Variants in API5 observed in about 807,000 individuals in gnomAD.
The protein encoded by API5 is apoptosis inhibitor 5, also known as FIF.
Under a neutral mutation model 71.9 loss-of-function variants are expected in API5, and 6 were observed. The ratio of observed to expected loss-of-function variants is 0.08; its 90% CI spans 0.05 to 0.16. API5 has a LOEUF of 0.16. API5 is among the 10% of genes least tolerant of loss of function. API5 has a pLI of 1.00. For synonymous variants in API5, 189 were observed against 221.3 expected, an observed-to-expected ratio of 0.85 and a Z score of 1.30; for missense variants, 332 against 612.8, an observed-to-expected ratio of 0.54 and a Z score of 4.84.
chr11:43,334,193 T>C (rs928654958), intron 11 of API5, among the ~76,000 whole-genome samples: 23 of 152,182 alleles, frequency 1.5e-4, no homozygotes, highest in African/African-American at 5.1e-4. Flanking sequence ...TTTTAATCCA[T>C]CCTTGACATT....
chr11:43,327,961 C>A, intron 8 of API5, 83 bp downstream of exon 8: 1 of 822,792 alleles, frequency 1.2e-6, no homozygotes, highest in South Asian at 2.6e-5. Context: ...ATTACAAGAA[C>A]CAGTTTTTGA....
intron 8 of API5, 92 bp from the exon 9 acceptor site, chr11:43,328,620 C>A: frequency 8.6e-7 from 1 of 1,157,522 alleles, no homozygotes; most frequent in Non-Finnish European, 1.2e-6. Flanking sequence ...ATGCTCCATG[C>A]CTTAAAAACA....
At chr11:43,326,635 C>T (rs761634051) in intron 7 of API5, 24 bp downstream of exon 7, 2 of 1,276,426 alleles carry the variant, frequency 1.6e-6, no homozygotes, top group Non-Finnish European at 1.1e-6. Flanking sequence ...TCAGCTTTAG[C>T]ACTGATAAGG....
rs773332752 is a variant in API5, at chr11:43,343,647, TAATC to T, written c.*1140_*1143del. 4.6e-5 allele frequency: 7 copies of T among 152,796 alleles called. No individual in the cohort carries two copies. Among genetic ancestry groups the T allele is most frequent in the Non-Finnish European group, 7.3e-5 (5 of 68,042 alleles). 9.5% of individuals were successfully genotyped at this position (152,796 alleles called of 1,614,324 possible). On this transcript the variant is annotated 3_prime_UTR_variant, in exon 14 of 14. Transcript: ENST00000531273. ...TCAAGATTTTAACTTCTCAGGTTAT[TAATC>T]AAAATTATTGTATAAGTTAGCCAAT...
At position 43,313,655 on chromosome 11, in the gene API5, T is replaced by G. The variant is rs576157580; in HGVS notation, c.69+1459T>G. 9.2e-5 allele frequency among the ~76,000 whole-genome samples: 14 copies of G among 152,296 alleles called. No individual in the cohort carries two copies. In the South Asian group the frequency reaches 2.9e-3, roughly 32 times the overall value. On this transcript the variant is annotated intron_variant, in intron 1 of 13. Transcript: ENST00000531273. The stretch of plus-strand genomic sequence containing the variant: ...GAATTAAGAATATACCAGTTTGAAA[T>G]AGCAAATGATTTTTTTTCCTTCATT...
chr11:43,320,763 T>C, intron 2 of API5, 58 bp from the exon 3 acceptor site: 1 of 1,262,070 alleles, frequency 7.9e-7, no homozygotes, highest in Non-Finnish European at 1.1e-6. Flanking sequence ...AAGAAAAAGC[T>C]GTTTGTTATT....
chr11:43,312,846 C>T (rs1179381250), intron 1 of API5, among the ~76,000 whole-genome samples: 4 of 152,084 alleles, frequency 2.6e-5, no homozygotes, highest in Non-Finnish European at 4.4e-5. Flanking sequence ...TGGTGGCTCA[C>T]GCCTGTAATC....
intron 2 of API5, among the ~76,000 whole-genome samples, chr11:43,320,189 G>A (rs1249878772): frequency 6.6e-6 from 1 of 151,800 alleles, no homozygotes; most frequent in Non-Finnish European, 1.5e-5. Flanking sequence ...GGGACTATAG[G>A]CGTGTGCCAC....
chr11:43,334,469 C>T (rs1429491613), intron 11 of API5, among the ~76,000 whole-genome samples: 2 of 152,020 alleles, frequency 1.3e-5, no homozygotes, highest in African/African-American at 4.8e-5. Context: ...GTACGCTGGA[C>T]TTAAGTTTAT....
In API5 at chr11:43,324,764, A is replaced by G. The variant is rs146866948; in HGVS notation, c.750+1128A>G. ...ATGATCTTGGCTGACTGCAACCTCCACCTCCCAGATTCAAGCAATTCTCGT... is the reference window on the plus strand; with the variant it reads ...ATGATCTTGGCTGACTGCAACCTCCGCCTCCCAGATTCAAGCAATTCTCGT... On this transcript the variant is annotated intron_variant, in intron 6 of 13. Coordinates refer to ENST00000531273, the MANE Select transcript of API5 (RefSeq NM_001142930.2). 4.5e-3 allele frequency among the ~76,000 whole-genome samples: 680 copies of G among 151,870 alleles called. 4 individuals carry two copies. The highest frequency in any genetic ancestry group is 0.015 in the African/African-American group (639 of 41,412).
intron 13 of API5, chr11:43,336,266 A>G (rs1224063852): frequency 1.4e-5 from 6 of 433,682 alleles, no homozygotes; most frequent in East Asian, 3.4e-5. Flanking sequence ...CAGAAACAAA[A>G]TAAGTTGACA....
intron 9 of API5, among the ~76,000 whole-genome samples, chr11:43,329,701 T>C (rs533529757): frequency 6.6e-6 from 1 of 152,360 alleles, no homozygotes; most frequent in South Asian, 2.1e-4. Flanking sequence ...CTTATTGAAT[T>C]GTTCCATTAA....
In API5 at chr11:43,326,495, G is replaced by C. The variant is rs753532024; in HGVS notation, c.751-12G>C. ...GTTTTTCGACAATGCATTTTCTTTGGATTTCTTACAGAAAAATGTCCATTC... is the reference window on the plus strand; with the variant it reads ...GTTTTTCGACAATGCATTTTCTTTGCATTTCTTACAGAAAAATGTCCATTC... On this transcript the variant is annotated splice_polypyrimidine_tract_variant and intron_variant, in intron 6 of 13. Transcript: ENST00000531273. The C allele has an allele frequency of 1.9e-6, 3 of 1,552,956 alleles. No individual in the cohort carries two copies. Among genetic ancestry groups the C allele is most frequent in the East Asian group, 4.5e-5 (2 of 44,534 alleles).
intron 12 of API5, 64 bp from the exon 13 acceptor site, chr11:43,335,794 A>C (rs1000082828): frequency 2.7e-6 from 4 of 1,502,634 alleles, no homozygotes; most frequent in Non-Finnish European, 3.6e-6. Context: ...CTAAATTATA[A>C]ATGTATTGAT....
chr11:43,326,345 T>C lies in API5; in HGVS notation c.751-162T>C, dbSNP rs146985487. On this transcript the variant is annotated intron_variant, in intron 6 of 13. Coordinates refer to ENST00000531273, the MANE Select transcript of API5 (RefSeq NM_001142930.2). Reference sequence around the variant, plus strand: ...TATTGAAGCCCCTTCGTAGATCACCTATTGAGGTTATATCTGGGGCATGCT... The same window carrying C: ...TATTGAAGCCCCTTCGTAGATCACCCATTGAGGTTATATCTGGGGCATGCT... 3.2e-4 allele frequency among the ~76,000 whole-genome samples: 48 copies of C among 152,292 alleles called. No homozygotes were observed. The East Asian group carries it at 9.1e-3, about 29-fold the overall frequency.
intron 1 of API5, among the ~76,000 whole-genome samples, chr11:43,317,768 C>T (rs1329701229): frequency 6.6e-6 from 1 of 152,158 alleles, no homozygotes; most frequent in Non-Finnish European, 1.5e-5. Context: ...ACCTCTGCCT[C>T]CTGGGTTCAA....
intron 1 of API5, among the ~76,000 whole-genome samples, chr11:43,312,797 G>A (rs982213449): frequency 1.3e-5 from 2 of 152,086 alleles, no homozygotes; most frequent in Non-Finnish European, 2.9e-5. Context: ...CAGTTAGGAG[G>A]GAGTGTAGTA....
intron 1 of API5, among the ~76,000 whole-genome samples, chr11:43,313,713 A>C (rs1854573309): frequency 2.6e-5 from 4 of 152,210 alleles, no homozygotes; most frequent in Admixed American, 2.6e-4. Flanking sequence ...TTTTATCAGT[A>C]AGAAATGTAT....
At chr11:43,318,591 T>C (rs1298591221) in intron 1 of API5, 49 bp from the exon 2 acceptor site, 1 of 1,599,418 alleles carries the variant, frequency 6.3e-7, no homozygotes, top group Non-Finnish European at 8.5e-7. Flanking sequence ...TTACTTTGCT[T>C]CCCATCCTTC....
Sources: gnomAD v4.1 joint callset for allele counts (sites outside exome capture counted in the v4.1 genomes callset) on GRCh38, gnomAD v4.1.1 for gene constraint, MANE v1.5 for transcripts, NCBI Gene and HGNC (gene_info 2026-07-23, HGNC 2026-07-21) for gene names.